Variants in SNAI3 observed in about 807,000 individuals in gnomAD.
SNAI3 encodes the protein snail family transcriptional repressor 3, also known as zinc finger protein SNAI3.
In SNAI3, 21 loss-of-function variants were observed where a neutral mutation model predicts 16.4. That is an observed-to-expected ratio of 1.28 (90% CI 0.91 to 1.85). The LOEUF (loss-of-function observed/expected upper bound fraction) is 1.85, where lower values mean the gene tolerates loss of function less well. Ranked by LOEUF, SNAI3 falls within the 40% of genes most tolerant of loss-of-function variation. The pLI is 0.00. For missense variants in SNAI3, 457 were observed against 372.8 expected (o/e 1.23, Z -1.86); for synonymous variants, 202 against 166.6 (o/e 1.21, Z -1.64).
rs9931509 is a variant in SNAI3, at chr16:88,678,348, A to T, written c.*100T>A. On this transcript the variant is annotated 3_prime_UTR_variant, in exon 3 of 3. Coordinates refer to ENST00000332281, the MANE Select transcript of SNAI3 (RefSeq NM_178310.4). The stretch of plus-strand genomic sequence containing the variant: ...TGGAGGACGCACCAAGTGTGAGGCC[A>T]GGCCCCGCCCTCCCAGACTCCTGGC... 2.8e-5 allele frequency: 17 copies of T among 611,248 alleles called. No homozygotes were observed. The highest frequency in any genetic ancestry group is 2.3e-4 in the South Asian group (12 of 52,918). The allele number at this position is 611,248 out of a possible 1,614,324, so 37.9% of individuals were successfully genotyped here. A position where few individuals can be genotyped will look rare whatever the true frequency, so the allele number is the denominator to read the frequency against.
chr16:88,680,953 A>C, intron 2 of SNAI3, 141 bp downstream of exon 2: 1 of 1,277,558 alleles, frequency 7.8e-7, no homozygotes, highest in Non-Finnish European at 1.1e-6. Context: ...GGGACTTTGT[A>C]CAGATAAGTC....
intron 2 of SNAI3, among the ~76,000 whole-genome samples, chr16:88,679,591 T>A (rs892040984): frequency 6.8e-6 from 1 of 147,084 alleles, no homozygotes; most frequent in African/African-American, 2.5e-5. Context: ...GAAAACCCCA[T>A]CTCTACTAAA....
At chr16:88,680,323 G>A (rs1348569940) in intron 2 of SNAI3, among the ~76,000 whole-genome samples, 2 of 109,836 alleles carry the variant, frequency 1.8e-5, no homozygotes, top group Admixed American at 1.5e-4. Flanking sequence ...GTCTCGCTCT[G>A]TCACCAGGCT....
chr16:88,679,732 G>A (rs1247189988), intron 2 of SNAI3, among the ~76,000 whole-genome samples: 4 of 124,902 alleles, frequency 3.2e-5, no homozygotes, highest in Non-Finnish European at 6.4e-5. Context: ...ACTATGGTCC[G>A]GCCTGGGCAA....
At chr16:88,680,396 C>T (rs1909126806) in intron 2 of SNAI3, among the ~76,000 whole-genome samples, 1 of 141,764 alleles carries the variant, frequency 7.1e-6, no homozygotes, top group Non-Finnish European at 1.5e-5. Flanking sequence ...AATGATTCTC[C>T]TGCCTCAGTC....
At position 88,678,350 on chromosome 16, in the gene SNAI3, GC is replaced by G; in HGVS notation, c.*97del. ...GAGGACGCACCAAGTGTGAGGCCAGGCCCCGCCCTCCCAGACTCCTGGCTCC... is the reference window on the plus strand; with the variant it reads ...GAGGACGCACCAAGTGTGAGGCCAGGCCCGCCCTCCCAGACTCCTGGCTCC... On this transcript the variant is annotated 3_prime_UTR_variant, in exon 3 of 3. Coordinates refer to ENST00000332281, the MANE Select transcript of SNAI3 (RefSeq NM_178310.4). 1.6e-6 allele frequency: 1 copy of G among 617,360 alleles called. No individual in the cohort carries two copies. The highest frequency in any genetic ancestry group is 2.6e-5 in the Admixed American group (1 of 38,324). 38.2% of individuals were successfully genotyped at this position (617,360 alleles called of 1,614,324 possible). A position where few individuals can be genotyped will look rare whatever the true frequency, so the allele number is the denominator to read the frequency against.
chr16:88,685,362 A>G (rs958806612), intron 1 of SNAI3: 4 of 152,208 alleles, frequency 2.6e-5, no homozygotes, highest in Admixed American at 2.0e-4. Context: ...GATCCCCCCC[A>G]TCCCCAACTC....
At chr16:88,682,275 G>A (rs942014094) in intron 1 of SNAI3, among the ~76,000 whole-genome samples, 2 of 152,248 alleles carry the variant, frequency 1.3e-5, no homozygotes, top group Admixed American at 6.5e-5. Flanking sequence ...AGTGAGCTCA[G>A]AAGCCTCCCT....
At chr16:88,686,170 C>T (rs1909351931) in intron 1 of SNAI3, 161 bp downstream of exon 1, 2 of 940,144 alleles carry the variant, frequency 2.1e-6, no homozygotes, top group South Asian at 3.6e-5. Flanking sequence ...CCGTGGGCCA[C>T]CTCCCTCCCT....
chr16:88,678,426 A>C lies in SNAI3; in HGVS notation c.*22T>G. ...TCTCCCGGTGAGGACCATCCCTCCT[A>C]CCTGCGCCGACCACGTGCCTCTCAG... On this transcript the variant is annotated 3_prime_UTR_variant, in exon 3 of 3. Coordinates refer to ENST00000332281, the MANE Select transcript of SNAI3 (RefSeq NM_178310.4). The C allele has an allele frequency of 1.3e-6, 1 of 752,654 alleles. No individual in the cohort carries two copies. The highest frequency in any genetic ancestry group is 2.4e-6 in the Non-Finnish European group (1 of 410,138). The allele number at this position is 752,654 out of a possible 1,614,324, so 46.6% of individuals were successfully genotyped here.
Position 88,682,762 on chromosome 16 carries a change from A to ATTTTTTT in SNAI3, c.77-1055_77-1049dup, listed in dbSNP as rs71158747. On this transcript the variant is annotated intron_variant, in intron 1 of 2. Transcript: ENST00000332281. ...AATACAATTTTAATATGGGCAAGGG[A>ATTTTTTT]TTTTTTTTTTTTTTTTTTTTTTTTT... is the stretch of plus-strand genomic sequence containing the variant. 2.0e-3 allele frequency among the ~76,000 whole-genome samples: 122 copies of ATTTTTTT among 60,694 alleles called. 22 individuals are homozygous for ATTTTTTT. The highest frequency in any genetic ancestry group is 2.3e-3 in the African/African-American group (38 of 16,826). The allele number at this position is 60,694 out of a possible 152,430, so 39.8% of individuals were successfully genotyped here.
At position 88,678,649 on chromosome 16, in the gene SNAI3, G is replaced by T. The variant is rs762907786; in HGVS notation, c.698-20C>A. 2.0e-6 allele frequency: 3 copies of T among 1,479,502 alleles called. No individual in the cohort carries two copies. The highest frequency in any genetic ancestry group is 1.9e-6 in the Non-Finnish European group (2 of 1,068,934). The allele number at this position is 1,479,502 out of a possible 1,614,324, so 91.6% of individuals were successfully genotyped here. ...TCTCCCCTGTGGGAGGAAGGCGGCG[G>T]CCAGTGACACCATGGAAGATGGAGT... On this transcript the variant is annotated intron_variant, in intron 2 of 2. Transcript: ENST00000332281.
chr16:88,678,539 T>C lies in SNAI3; in HGVS notation c.788A>G (p.Lys263Arg). The stretch of plus-strand genomic sequence containing the variant: ...GGTGCAGCGCCGGCACCGGTACTTC[T>C]TGGCGTCTGAGTGCGTTTGCAGATG... ...RAHLQTHSDA[K>R]KYRCRRCTKT... The change falls in exon 3 of 3, where the codon AAG becomes AGG. Residue 263 changes from lysine to arginine, a missense_variant. Transcript: ENST00000332281. 1.2e-6 allele frequency: 1 copy of C among 802,672 alleles called. No homozygotes were observed. Among genetic ancestry groups the C allele is most frequent in the South Asian group, 1.3e-5 (1 of 75,026 alleles). 49.7% of individuals were successfully genotyped at this position (802,672 alleles called of 1,614,324 possible). A position where few individuals can be genotyped will look rare whatever the true frequency, so the allele number is the denominator to read the frequency against.
In SNAI3 at chr16:88,681,159, C is replaced by G. The variant is rs1194140576; in HGVS notation, c.632G>C (p.Cys211Ser). 6 of 1,613,784 alleles carry G rather than the reference C, an allele frequency of 3.7e-6. No homozygotes were observed. Among genetic ancestry groups the G allele is most frequent in the Non-Finnish European group, 5.1e-6 (6 of 1,180,028 alleles). ...GGAGAAGGCCTTGCCACAGATCTTG[C>G]AGGTGCAGGGCAGCGTGTGAGTGCG... ...HIRTHTLPCT[C>S]KICGKAFSRP... The change falls in exon 2 of 3, where the codon TGC (cysteine) becomes TCC (serine). Residue 211 changes from cysteine (C) to serine (S), a missense_variant. Transcript: ENST00000332281. The surrounding 1 kb of genome is among the most constrained non-coding windows in gnomAD (Gnocchi z 5.4).
rs1316992592 is a variant in SNAI3, at chr16:88,678,675, G to A, written c.698-46C>T. The A allele has an allele frequency of 3.2e-6, 5 of 1,544,902 alleles. No homozygotes were observed. In the East Asian group the frequency reaches 6.8e-5, roughly 21 times the overall value. On this transcript the variant is annotated intron_variant, in intron 2 of 2. Coordinates refer to ENST00000332281, the MANE Select transcript of SNAI3 (RefSeq NM_178310.4). Reference sequence around the variant, plus strand: ...CCAGTGACACCATGGAAGATGGAGTGAAGGCTAAAGCACCCACCCTGCCCA... The same window carrying A: ...CCAGTGACACCATGGAAGATGGAGTAAAGGCTAAAGCACCCACCCTGCCCA...
At chr16:88,680,275 ATTT>A (rs560411217) in intron 2 of SNAI3, among the ~76,000 whole-genome samples, 33 of 55,086 alleles carry the variant, frequency 6.0e-4, no homozygotes, top group African/African-American at 2.2e-3. Context: ...TATGTTTTTG[ATTT>A]TTTTTTTTTT....
intron 2 of SNAI3, among the ~76,000 whole-genome samples, chr16:88,680,707 T>C (rs1450088972): frequency 1.3e-5 from 2 of 152,132 alleles, no homozygotes; most frequent in African/African-American, 4.8e-5. Flanking sequence ...CAAGTGATCC[T>C]CCTGCCTCAG....
In SNAI3 at chr16:88,680,275, A is replaced by ATTTTTTTTTT. The variant is rs560411217; in HGVS notation, c.697+809_697+818dup. On this transcript the variant is annotated intron_variant, in intron 2 of 2. Transcript: ENST00000332281. ...GTACTTTAATGGCATTATGTTTTTG[A>ATTTTTTTTTT]TTTTTTTTTTTTTTTTTTTTTTTTT... Among the ~76,000 whole-genome samples the ATTTTTTTTTT allele has an allele frequency of 3.8e-4, 21 of 55,104 alleles. 2 individuals are homozygous for ATTTTTTTTTT. The highest frequency in any genetic ancestry group is 5.4e-4 in the Admixed American group (2 of 3,700). 36.2% of individuals were successfully genotyped at this position (55,104 alleles called of 152,430 possible). A position where few individuals can be genotyped will look rare whatever the true frequency, so the allele number is the denominator to read the frequency against.
In SNAI3 at chr16:88,681,711, A is replaced by G. The variant is rs1909180868; in HGVS notation, c.80T>C (p.Ile27Thr). Residue 27 changes from isoleucine (I) to threonine (T), a missense_variant, in exon 2 of 3, where the codon ATC becomes ACC. Ile to Thr is a moderately conservative substitution (Grantham distance 89, BLOSUM62 -1). Coordinates refer to ENST00000332281, the MANE Select transcript of SNAI3 (RefSeq NM_178310.4). The surrounding 1 kb of genome is among the most constrained non-coding windows in gnomAD (Gnocchi z 5.4). ...NYRRLETQRE[I>T]NGACSACGGL... ...CCCACAGGCAGAGCAGGCACCATTGATTTCTAGAGGGGTGGAGGGGAGAGA... is the reference window on the plus strand; with the variant it reads ...CCCACAGGCAGAGCAGGCACCATTGGTTTCTAGAGGGGTGGAGGGGAGAGA... 1.4e-6 allele frequency: 2 copies of G among 1,446,380 alleles called. No homozygotes were observed. The highest frequency in any genetic ancestry group is 1.9e-4 in the Middle Eastern group (1 of 5,402). The allele number at this position is 1,446,380 out of a possible 1,614,324, so 89.6% of individuals were successfully genotyped here.
Sources: gnomAD v4.1 joint callset for allele counts (sites outside exome capture counted in the v4.1 genomes callset) on GRCh38, gnomAD v4.1.1 for gene constraint, Gnocchi (gnomAD v3.1) non-coding constraint, MANE v1.5 for transcripts, NCBI Gene and HGNC (gene_info 2026-07-23, HGNC 2026-07-21) for gene names.